Variants in MTUS1 observed in about 807,000 individuals in gnomAD.
MTUS1 encodes the protein microtubule associated scaffold protein 1.
In MTUS1, 109 loss-of-function variants were observed where a neutral mutation model predicts 120.8. That is an observed-to-expected ratio of 0.90 (90% confidence interval 0.77 to 1.06). MTUS1 has a LOEUF of 1.06. Among genes scored for constraint, MTUS1 ranks in the 50% least tolerant of loss-of-function variants. The pLI, the probability that MTUS1 is intolerant of heterozygous loss-of-function variation, is 0.00. For missense variants in MTUS1, 2,210 were observed against 1,486.3 expected (o/e 1.49, Z -8.01); for synonymous variants, 737 against 550.5 (o/e 1.34, Z -4.74).
rs751018231 is a variant in MTUS1, at chr8:17,697,381, T to G, written c.2624-12839A>C. On this transcript the variant is annotated intron_variant, in intron 6 of 14. Transcript: ENST00000693296. ...AGAATTTGGGAGACAACAACATGTC[T>G]TCGGAGCAGGTGGCGAGATTTCACA... The G allele has an allele frequency of 2.5e-6, 4 of 1,613,766 alleles. No individual in the cohort carries two copies. The South Asian group carries it at 4.4e-5, about 18-fold the overall frequency.
chr8:17,794,291 G>A (rs1213808566), intron 1 of MTUS1, among the ~76,000 whole-genome samples: 15 of 151,878 alleles, frequency 9.9e-5, no homozygotes. Flanking sequence ...TCACGCCACT[G>A]CACTCCAGCC....
intron 3 of MTUS1, among the ~76,000 whole-genome samples, chr8:17,739,396 G>C (rs1319284754): frequency 6.6e-6 from 1 of 152,034 alleles, no homozygotes. Context: ...GGGAGGCTGA[G>C]GCAGGAGAAT....
chr8:17,701,935 T>C (rs952771318), intron 6 of MTUS1, among the ~76,000 whole-genome samples: 1 of 152,226 alleles, frequency 6.6e-6, no homozygotes, highest in Non-Finnish European at 1.5e-5. Context: ...ATAAACTTAT[T>C]AAACTTAAAA....
chr8:17,662,164 A>C (rs1361824190), intron 8 of MTUS1, among the ~76,000 whole-genome samples: 1 of 151,974 alleles, frequency 6.6e-6, no homozygotes, highest in African/African-American at 2.4e-5. Context: ...TCTCACTCCT[A>C]TCCTCAGCCT....
chr8:17,731,526 G>T (rs1439307462), intron 3 of MTUS1, among the ~76,000 whole-genome samples: 1 of 152,138 alleles, frequency 6.6e-6, no homozygotes, highest in Admixed American at 6.5e-5. Context: ...AAGGGCTTAA[G>T]ATGAAACCAT....
intron 6 of MTUS1, 65 bp from the exon 7 acceptor site, chr8:17,684,607 G>A: frequency 1.5e-6 from 2 of 1,330,708 alleles, no homozygotes; most frequent in South Asian, 1.2e-5. Context: ...ACCACCACAA[G>A]GATTCAAAAA....
Position 17,769,561 on chromosome 8 carries a change from A to G in MTUS1, c.-154-13600T>C, listed in dbSNP as rs571907470. On this transcript the variant is annotated intron_variant, in intron 1 of 14. Coordinates refer to ENST00000693296, the MANE Select transcript of MTUS1 (RefSeq NM_001363059.2). Reference sequence around the variant, plus strand: ...ACGGGATTTCACCGCGTTAGCCAGGATGGTCTCGATCTCCTGACCTCGTGA... The same window carrying G: ...ACGGGATTTCACCGCGTTAGCCAGGGTGGTCTCGATCTCCTGACCTCGTGA... 1.4e-4 allele frequency among the ~76,000 whole-genome samples: 21 copies of G among 151,442 alleles called. 1 individual carries two copies. The South Asian group carries it at 1.5e-3, about 11-fold the overall frequency.
In MTUS1 at chr8:17,742,269, G is replaced by GTTTTTTTTTTTTTTTTTTTTTTTTTT. The variant is rs1210338239; in HGVS notation, c.2287+1334_2287+1335insAAAAAAAAAAAAAAAAAAAAAAAAAA. On this transcript the variant is annotated intron_variant, in intron 3 of 14. Transcript: ENST00000693296. ...CACCATCATGCTCTCATGCCCAGCT[G>GTTTTTTTTTTTTTTTTTTTTTTTTTT]TTTTTTTTTTTTGTTGTTGTTGTTT... 3.2e-5 allele frequency among the ~76,000 whole-genome samples: 3 copies of GTTTTTTTTTTTTTTTTTTTTTTTTTT among 94,900 alleles called. 1 individual carries two copies. The highest frequency in any genetic ancestry group is 4.3e-5 in the African/African-American group (1 of 23,270). The allele number at this position is 94,900 out of a possible 152,430, so 62.3% of individuals were successfully genotyped here. A position where few individuals can be genotyped will look rare whatever the true frequency, so the allele number is the denominator to read the frequency against.
chr8:17,656,949 C>T (rs1374821751), intron 8 of MTUS1, among the ~76,000 whole-genome samples: 1 of 149,822 alleles, frequency 6.7e-6, no homozygotes, highest in East Asian at 2.0e-4. Flanking sequence ...GTCCCAGCTA[C>T]TCGGGAAGTT....
At chr8:17,718,964 G>C (rs1338256046) in intron 4 of MTUS1, among the ~76,000 whole-genome samples, 2 of 151,904 alleles carry the variant, frequency 1.3e-5, no homozygotes, top group Non-Finnish European at 2.9e-5. Flanking sequence ...GAGGCCAGGA[G>C]TTTGAGACCA....
At chr8:17,733,638 TC>T (rs2046743482) in intron 3 of MTUS1, among the ~76,000 whole-genome samples, 1 of 152,148 alleles carries the variant, frequency 6.6e-6, no homozygotes, top group Non-Finnish European at 1.5e-5. Flanking sequence ...GGGCCCCGCA[TC>T]CCTTTCTTGA....
chr8:17,754,356 G>A lies in MTUS1; in HGVS notation c.1452C>T (p.Ile484=), dbSNP rs368080482. The change falls in exon 2 of 15, where the codon ATC becomes ATT. Residue 484 remains isoleucine (I), a synonymous_variant. Coordinates refer to ENST00000693296, the MANE Select transcript of MTUS1 (RefSeq NM_001363059.2). ...TGCAGCCTATTGGGGTATTCGTTTT[G>A]ATTGTTGATTTTCCTAAACTGGGTT... ...LCKPSLGKST[I]KTNTPIGCKV... The A allele has an allele frequency of 6.2e-7, 1 of 1,614,050 alleles. No individual in the cohort carries two copies. The highest frequency in any genetic ancestry group is 8.5e-7 in the Non-Finnish European group (1 of 1,180,022).
intron 1 of MTUS1, among the ~76,000 whole-genome samples, chr8:17,758,554 A>C (rs2048799193): frequency 1.3e-5 from 2 of 152,274 alleles, no homozygotes; most frequent in South Asian, 4.1e-4. Flanking sequence ...TATAAAATAC[A>C]TCCAAGCTAA....
chr8:17,721,893 T>C, intron 4 of MTUS1: 1 of 1,613,232 alleles, frequency 6.2e-7, no homozygotes, highest in Admixed American at 1.7e-5. Flanking sequence ...ATCCTCCTGG[T>C]ACAGTCATTT....
intron 7 of MTUS1, among the ~76,000 whole-genome samples, chr8:17,675,731 A>C (rs1323580349): frequency 6.6e-6 from 1 of 152,238 alleles, no homozygotes; most frequent in Non-Finnish European, 1.5e-5. Flanking sequence ...AGAAAGACAA[A>C]AAGTTTGTTA....
intron 3 of MTUS1, among the ~76,000 whole-genome samples, chr8:17,729,474 G>T (rs2046417999): frequency 6.6e-6 from 1 of 151,872 alleles, no homozygotes; most frequent in Non-Finnish European, 1.5e-5. Context: ...GGAAAAAACA[G>T]AAAAAGAAAT....
At chr8:17,723,343 A>T (rs2045969662) in intron 4 of MTUS1, 2 of 340,020 alleles carry the variant, frequency 5.9e-6, no homozygotes, top group South Asian at 5.6e-5. Context: ...TCTTTTGCAA[A>T]GTAAATGAAA....
chr8:17,715,953 A>G (rs780498853), intron 4 of MTUS1, 52 bp from the exon 5 acceptor site: 2 of 1,543,110 alleles, frequency 1.3e-6, no homozygotes, highest in Non-Finnish European at 1.8e-6. Flanking sequence ...CACAGTTTCG[A>G]CCTTCCACAT....
intron 1 of MTUS1, among the ~76,000 whole-genome samples, chr8:17,789,155 G>A (rs2051556889): frequency 6.6e-6 from 1 of 151,718 alleles, no homozygotes; most frequent in East Asian, 1.9e-4. Flanking sequence ...GCCTCAGCCT[G>A]ACCAGTAGCT....
Sources: gnomAD v4.1 joint callset for allele counts (sites outside exome capture counted in the v4.1 genomes callset) on GRCh38, gnomAD v4.1.1 for gene constraint, MANE v1.5 for transcripts, NCBI Gene and HGNC (gene_info 2026-07-23, HGNC 2026-07-21) for gene names.